The following DLG2 variants were observed in gnomAD, a reference collection of about 807,000 sequenced individuals.
The protein encoded by DLG2 is disks large homolog 2.
Under a neutral mutation model 132.5 loss-of-function variants are expected in DLG2, and 45 were observed. The ratio of observed to expected loss-of-function variants is 0.34; its 90% CI spans 0.27 to 0.44. The LOEUF is 0.44. DLG2 is among the 20% of genes least tolerant of loss of function. The pLI, the probability that DLG2 is intolerant of heterozygous loss-of-function variation, is 1.00. For missense variants in DLG2, 1,045 were observed against 1,196.9 expected, an observed-to-expected ratio of 0.87 and a Z score of 1.87; for synonymous variants, 424 against 419.6, an observed-to-expected ratio of 1.01 and a Z score of -0.13.
intron 7 of DLG2, among the ~76,000 whole-genome samples, chr11:84,359,848 G>T (rs572044392): frequency 6.6e-6 from 1 of 151,976 alleles, no homozygotes; most frequent in South Asian, 2.1e-4. Context: ...TTTCTCCACA[G>T]TAATACACTT....
intron 9 of DLG2, among the ~76,000 whole-genome samples, chr11:84,112,501 G>T: frequency 6.7e-6 from 1 of 149,644 alleles, no homozygotes; most frequent in South Asian, 2.1e-4. Context: ...TCTTTACTCT[G>T]TTTTTACTCT....
chr11:84,931,927 G>A (rs141353325), intron 6 of DLG2, among the ~76,000 whole-genome samples: 31 of 152,278 alleles, frequency 2.0e-4, no homozygotes, highest in South Asian at 1.0e-3. Flanking sequence ...TTTGAAAAGC[G>A]TCTGTTCATG....
chr11:84,491,711 A>G (rs551913610), intron 7 of DLG2, among the ~76,000 whole-genome samples: 2 of 152,284 alleles, frequency 1.3e-5, no homozygotes, highest in South Asian at 4.1e-4. Flanking sequence ...GCCTACCTCA[A>G]AGTTCTAAAC....
chr11:84,061,181 T>C (rs2096585345), intron 10 of DLG2, among the ~76,000 whole-genome samples: 1 of 152,204 alleles, frequency 6.6e-6, no homozygotes, highest in Non-Finnish European at 1.5e-5. Flanking sequence ...TAACCATAGT[T>C]AATTTCCTTA....
chr11:84,864,852 A>C (rs1485174791), intron 6 of DLG2, among the ~76,000 whole-genome samples: 4 of 152,166 alleles, frequency 2.6e-5, no homozygotes, highest in Non-Finnish European at 5.9e-5. Flanking sequence ...ATTTTCTCTA[A>C]ATGAGAAAAG....
intron 7 of DLG2, among the ~76,000 whole-genome samples, chr11:84,498,911 G>A (rs1034758051): frequency 1.3e-5 from 2 of 152,186 alleles, no homozygotes; most frequent in African/African-American, 2.4e-5. Context: ...TATGTGAGGT[G>A]TGAGGGCCAG....
intron 4 of DLG2, among the ~76,000 whole-genome samples, chr11:85,278,027 G>T (rs1200606044): frequency 6.6e-6 from 1 of 150,522 alleles, no homozygotes; most frequent in Admixed American, 6.6e-5. Context: ...TGCAATTAAG[G>T]CTCTCAAGCA....
At chr11:84,743,250 A>C (rs1227254224) in intron 6 of DLG2, among the ~76,000 whole-genome samples, 1 of 152,026 alleles carries the variant, frequency 6.6e-6, no homozygotes, top group Non-Finnish European at 1.5e-5. Context: ...ATTCCTAAAA[A>C]CTCCCAGGAA....
intron 3 of DLG2, among the ~76,000 whole-genome samples, chr11:85,288,687 A>G (rs1347085778): frequency 6.6e-6 from 1 of 152,092 alleles, no homozygotes; most frequent in Non-Finnish European, 1.5e-5. Context: ...AATAAAGGGA[A>G]AAGAAAAAAA....
At chr11:84,574,584 A>G (rs896968911) in intron 6 of DLG2, among the ~76,000 whole-genome samples, 1 of 152,176 alleles carries the variant, frequency 6.6e-6, no homozygotes, top group Non-Finnish European at 1.5e-5. Flanking sequence ...TGTTGTCTAT[A>G]ATGATCTTAG....
chr11:83,997,059 T>G (rs375775485), intron 11 of DLG2, among the ~76,000 whole-genome samples: 2 of 151,682 alleles, frequency 1.3e-5, no homozygotes, highest in African/African-American at 4.8e-5. Context: ...CATGCCTGTA[T>G]CAAAATATCT....
intron 5 of DLG2, among the ~76,000 whole-genome samples, chr11:85,138,779 CCTGCCATGA>C (rs544282801): frequency 0.052 from 7,859 of 152,086 alleles, 302 homozygotes; most frequent in African/African-American, 0.097. Context: ...TCTTTCACCT[CCTGCCATGA>C]TTCTAAGGCC....
chr11:84,476,838 T>C (rs1245830946), intron 7 of DLG2, among the ~76,000 whole-genome samples: 1 of 152,196 alleles, frequency 6.6e-6, no homozygotes, highest in African/African-American at 2.4e-5. Context: ...CCAGCCTCTT[T>C]GTGTCTTCCC....
chr11:84,682,783 G>T (rs1472274431), intron 6 of DLG2, among the ~76,000 whole-genome samples: 2 of 152,210 alleles, frequency 1.3e-5, no homozygotes, highest in African/African-American at 4.8e-5. Context: ...TGGTGGCACA[G>T]ATGTCAAACC....
At chr11:84,712,839 C>G (rs895636971) in intron 6 of DLG2, among the ~76,000 whole-genome samples, 5 of 152,068 alleles carry the variant, frequency 3.3e-5, no homozygotes, top group African/African-American at 1.2e-4. Context: ...ATTTCCAAAA[C>G]TTCTAGTTCA....
intron 4 of DLG2, among the ~76,000 whole-genome samples, chr11:85,180,276 T>C (rs183045668): frequency 6.6e-6 from 1 of 151,886 alleles, no homozygotes; most frequent in African/African-American, 2.4e-5. Flanking sequence ...CTTGTGATAA[T>C]AGGTGACATT....
At chr11:83,972,084 G>A (rs1280015829) in intron 12 of DLG2, among the ~76,000 whole-genome samples, 1 of 151,914 alleles carries the variant, frequency 6.6e-6, no homozygotes, top group Non-Finnish European at 1.5e-5. Flanking sequence ...AATGAAAATC[G>A]GAATGGGAAA....
chr11:85,384,719 C>A (rs1266846961), intron 3 of DLG2, among the ~76,000 whole-genome samples: 1 of 152,066 alleles, frequency 6.6e-6, no homozygotes, highest in Admixed American at 6.6e-5. Context: ...AGGTGCATGC[C>A]ACCATGCTGG....
intron 18 of DLG2, among the ~76,000 whole-genome samples, chr11:83,718,548 A>G (rs939533862): frequency 1.6e-3 from 236 of 151,064 alleles, no homozygotes; most frequent in African/African-American, 5.5e-3. Context: ...AAAAAAAAAA[A>G]AAAGAAAGAA....
Sources: gnomAD v4.1 joint callset for allele counts (sites outside exome capture counted in the v4.1 genomes callset) on GRCh38, gnomAD v4.1.1 for gene constraint, MANE v1.5 for transcripts, NCBI Gene and HGNC (gene_info 2026-07-23, HGNC 2026-07-21) for gene names.